Variants in EVC observed in about 807,000 individuals in gnomAD.
EVC encodes the protein evC complex member EVC.
Under a neutral mutation model 118.9 loss-of-function variants are expected in EVC, and 116 were observed. That is an observed-to-expected ratio of 0.98 (90% CI 0.84 to 1.14). The LOEUF (loss-of-function observed/expected upper bound fraction) is 1.14, where lower values mean the gene tolerates loss of function less well. EVC is among the 50% of genes most tolerant of loss of function. EVC has a pLI of 0.00. For missense variants in EVC, 1,401 were observed against 1,246.4 expected, an observed-to-expected ratio of 1.12 and a Z score of -1.87; for synonymous variants, 619 against 534.7, an observed-to-expected ratio of 1.16 and a Z score of -2.18.
chr4:5,778,443 A>G (rs1404388713), intron 11 of EVC, among the ~76,000 whole-genome samples: 1 of 150,836 alleles, frequency 6.6e-6, no homozygotes, highest in Non-Finnish European at 1.5e-5. Context: ...GAACTAGTTT[A>G]CAGTCCCACC....
intron 8 of EVC, among the ~76,000 whole-genome samples, chr4:5,751,292 C>CATT (rs1311262364): frequency 7.2e-5 from 11 of 152,178 alleles, no homozygotes; most frequent in Non-Finnish European, 1.3e-4. Flanking sequence ...ACATCAGGGC[C>CATT]CCCTTCCCCC....
In EVC at chr4:5,731,278, CTG is replaced by C. The variant is rs1385181458; in HGVS notation, c.385-144_385-143del. On this transcript the variant is annotated intron_variant, in intron 3 of 20. Coordinates refer to ENST00000264956, the MANE Select transcript of EVC (RefSeq NM_153717.3). This position sits in a 1 kb window ranked among gnomAD's most constrained non-coding sequence, Gnocchi z 5.6. ...TGTGGCAGAACCTGGGACGGAAACTCTGTGGTGTCTGCTGGCACCCTGGCCAG... is the reference window on the plus strand; with the variant it reads ...TGTGGCAGAACCTGGGACGGAAACTCTGGTGTCTGCTGGCACCCTGGCCAG... 2.7e-5 allele frequency: 21 copies of C among 764,620 alleles called. No individual in the cohort carries two copies. The highest frequency in any genetic ancestry group is 3.5e-5 in the Non-Finnish European group (15 of 424,068). The allele number at this position is 764,620 out of a possible 1,614,324, so 47.4% of individuals were successfully genotyped here.
In EVC at chr4:5,729,315, G is replaced by C. The variant is rs763380800; in HGVS notation, c.309G>C (p.Glu103Asp). 5 of 1,614,080 alleles carry C rather than the reference G, an allele frequency of 3.1e-6. No individual in the cohort carries two copies. Among genetic ancestry groups the C allele is most frequent in the Non-Finnish European group, 4.2e-6 (5 of 1,180,006 alleles). Residue 103 changes from glutamate (E) to aspartate (D), a missense_variant, in exon 3 of 21, where the codon GAG becomes GAC. Transcript: ENST00000264956. ...GTGTCTTTCCCTCCCAGGAATGTGA[G>C]CCGCCTTCCAACAGCAATATCACAG... ...SKDKEAVDEC[E>D]PPSNSNITAF...
chr4:5,799,222 G>C (rs949093333), intron 15 of EVC, among the ~76,000 whole-genome samples: 1 of 152,182 alleles, frequency 6.6e-6, no homozygotes, highest in Non-Finnish European at 1.5e-5. Context: ...TCATCCTGAC[G>C]GCTGAGCAAT....
At chr4:5,740,274 C>T (rs1023228165) in intron 5 of EVC, among the ~76,000 whole-genome samples, 1 of 151,888 alleles carries the variant, frequency 6.6e-6, no homozygotes, top group Non-Finnish European at 1.5e-5. Flanking sequence ...AATTCAAGAC[C>T]AGCCTGGCCA....
intron 11 of EVC, among the ~76,000 whole-genome samples, chr4:5,770,653 G>T (rs931589712): frequency 6.6e-6 from 1 of 152,136 alleles, no homozygotes. Context: ...TGTGTCCAGG[G>T]CATAACCCAC....
intron 1 of EVC, among the ~76,000 whole-genome samples, chr4:5,714,585 C>G (rs963292990): frequency 2.0e-5 from 3 of 151,294 alleles, no homozygotes; most frequent in Non-Finnish European, 4.4e-5. Context: ...CTCCCTTCCT[C>G]CATAAAATGT....
At position 5,753,796 on chromosome 4, in the gene EVC, CG is replaced by C; in HGVS notation, c.1328del (p.Arg443GlnfsTer57). 6.2e-7 allele frequency: 1 copy of C among 1,614,116 alleles called. No individual in the cohort carries two copies. The highest frequency in any genetic ancestry group is 8.5e-7 in the Non-Finnish European group (1 of 1,180,014). ...TTTTTCAATCCCAGAGTTTGTCCAG[CG>C]AGGCAAAGACCTGGTCACGGCGTCT... The part of the protein sequence containing the change: ...AERFSREFVQ[R>X]GKDLVTASLA... On this transcript the variant is annotated frameshift_variant, in exon 10 of 21. Transcript: ENST00000264956. LOFTEE classifies it high-confidence loss of function.
chr4:5,773,020 C>A (rs3856953), intron 11 of EVC, among the ~76,000 whole-genome samples: 143,649 of 152,160 alleles, frequency 0.94, 67,890 homozygotes, highest in Admixed American at 0.98. Context: ...CATGTGTGCA[C>A]TGTCCCCTGT....
chr4:5,739,950 TTATTATATCTAAATGACCA>T (rs1269056107), intron 5 of EVC, among the ~76,000 whole-genome samples: 2 of 150,250 alleles, frequency 1.3e-5, no homozygotes, highest in African/African-American at 4.9e-5. Context: ...AGAAAATGCC[TTATTATATCTAAATGACCA>T]TATTATATCT....
chr4:5,807,296 G>A (rs7654977), intron 17 of EVC, among the ~76,000 whole-genome samples: 26,705 of 152,132 alleles, frequency 0.18, 2,728 homozygotes, highest in South Asian at 0.34. Flanking sequence ...GGATGACAGC[G>A]TCTTGTAGGG....
intron 8 of EVC, among the ~76,000 whole-genome samples, chr4:5,750,752 C>T (rs961248059): frequency 8.5e-5 from 13 of 152,062 alleles, no homozygotes; most frequent in African/African-American, 2.9e-4. Context: ...TCCTGCAGGC[C>T]ACATGTCAGC....
At chr4:5,825,776 G>GCA in the EVC span, 182 of 902,474 alleles carry the variant, frequency 2.0e-4, no homozygotes, top group Non-Finnish European at 2.5e-4. This position sits in a 1 kb window ranked among gnomAD's most constrained non-coding sequence, Gnocchi z 4.4. Context: ...AAATGTGCAT[G>GCA]CACACACACA....
rs145117948 is a variant in EVC at position 5,743,269 on chromosome 4, C to G, written c.801+1455C>G. Among the ~76,000 whole-genome samples the G allele has an allele frequency of 1.1e-3, 163 of 152,248 alleles. No homozygotes were observed. The highest frequency in any genetic ancestry group is 3.7e-3 in the African/African-American group (155 of 41,540). ...TGTCTGGACCAGATCCCATTTTGAT[C>G]AGCAGGGTTGTGATCAGAAAACAAG... On this transcript the variant is annotated intron_variant, in intron 6 of 20. Coordinates refer to ENST00000264956, the MANE Select transcript of EVC (RefSeq NM_153717.3). This position sits in a 1 kb window ranked among gnomAD's most constrained non-coding sequence, Gnocchi z 4.7.
intron 12 of EVC, among the ~76,000 whole-genome samples, chr4:5,784,581 T>C (rs980418136): frequency 4.0e-5 from 6 of 151,036 alleles, no homozygotes; most frequent in African/African-American, 1.5e-4. Flanking sequence ...ACAGCAGCAA[T>C]AGGAAACTAA....
intron 15 of EVC, among the ~76,000 whole-genome samples, chr4:5,800,455 G>A (rs570931552): frequency 4.3e-4 from 66 of 152,302 alleles, no homozygotes; most frequent in Middle Eastern, 6.8e-3. Flanking sequence ...GTGCAAATGT[G>A]TGTGCCAGTG....
intron 1 of EVC, among the ~76,000 whole-genome samples, chr4:5,712,426 A>G (rs1399281888): frequency 6.6e-6 from 1 of 152,164 alleles, no homozygotes; most frequent in East Asian, 1.9e-4. Flanking sequence ...TTCCTATGCA[A>G]GTGGCCCTCA....
chr4:5,823,376 G>A, the EVC span, among the ~76,000 whole-genome samples: 3 of 152,192 alleles, frequency 2.0e-5, no homozygotes, highest in Non-Finnish European at 4.4e-5. Context: ...CTAGCACTTA[G>A]TAACTTTTTC....
In EVC at chr4:5,809,586, G is replaced by T. The variant is rs1219650896; in HGVS notation, c.2757G>T (p.Leu919=). 1.2e-6 allele frequency: 2 copies of T among 1,614,192 alleles called. No individual in the cohort carries two copies. The highest frequency in any genetic ancestry group is 2.2e-5 in the South Asian group (2 of 91,084). Residue 919 remains leucine (L), a synonymous_variant, in exon 19 of 21, where the codon CTG becomes CTT. Transcript: ENST00000264956. ...LARVPLAESK[L]LPAKRGLLEK... ...GAGTGCCCCTTGCTGAAAGCAAACTGTTGCCTGCTAAGCGTGGGCTGCTAG... is the reference window on the plus strand; with the variant it reads ...GAGTGCCCCTTGCTGAAAGCAAACTTTTGCCTGCTAAGCGTGGGCTGCTAG...
Sources: allele counts gnomAD v4.1 joint callset (sites outside exome capture counted in the v4.1 genomes callset), GRCh38; gene constraint gnomAD v4.1.1; non-coding constraint Gnocchi (gnomAD v3.1); transcripts MANE v1.5; gene names NCBI Gene and HGNC (gene_info 2026-07-23, HGNC 2026-07-21).